The following PTPRM variants were observed in gnomAD, a reference collection of about 807,000 sequenced individuals.
PTPRM encodes the protein protein tyrosine phosphatase receptor type M.
PTPRM carries 47 observed loss-of-function variants against 186.7 expected under a neutral mutation model. That is an observed-to-expected ratio of 0.25 (90% CI 0.20 to 0.32). The LOEUF is 0.32. Ranked by LOEUF, PTPRM falls within the 10% of genes least tolerant of loss-of-function variation. The pLI, the probability that PTPRM is intolerant of heterozygous loss-of-function variation, is 1.00. For synonymous variants in PTPRM, 668 were observed against 674.9 expected (o/e 0.99, Z 0.16); for missense variants, 1,494 against 1,865.0 (o/e 0.80, Z 3.66).
intron 5 of PTPRM, among the ~76,000 whole-genome samples, chr18:7,940,765 A>G (rs1421064282): frequency 6.6e-6 from 1 of 150,740 alleles, no homozygotes; most frequent in African/African-American, 2.4e-5. Flanking sequence ...TGGTAGCAAA[A>G]CCTCCCCATT....
intron 9 of PTPRM, 60 bp downstream of exon 9, chr18:8,076,624 G>A: frequency 1.2e-6 from 1 of 848,328 alleles, no homozygotes; most frequent in African/African-American, 1.8e-5. Flanking sequence ...TGATAATGTA[G>A]GCTATCTAGT....
At chr18:8,282,503 A>T (rs1014024157) in intron 19 of PTPRM, among the ~76,000 whole-genome samples, 1 of 152,128 alleles carries the variant, frequency 6.6e-6, no homozygotes, top group Non-Finnish European at 1.5e-5. Flanking sequence ...TCTCTACTAA[A>T]ATACAAAAAT....
At chr18:8,265,424 G>A (rs1189869339) in intron 19 of PTPRM, among the ~76,000 whole-genome samples, 9 of 152,184 alleles carry the variant, frequency 5.9e-5, no homozygotes, top group Non-Finnish European at 1.0e-4. Flanking sequence ...GGGTTATTGC[G>A]TGGCTGCCAA....
intron 29 of PTPRM, among the ~76,000 whole-genome samples, 179 bp from the exon 30 acceptor site, chr18:8,384,382 C>T (rs771073917): frequency 2.0e-5 from 3 of 152,090 alleles, no homozygotes. Flanking sequence ...TGCTTGAGCC[C>T]AGGAGCTCAA....
chr18:8,277,843 CA>C (rs2094853908), intron 19 of PTPRM, among the ~76,000 whole-genome samples: 1 of 152,108 alleles, frequency 6.6e-6, no homozygotes, highest in Admixed American at 6.6e-5. Flanking sequence ...TTAACTAACG[CA>C]GTGAGGTGCC....
intron 8 of PTPRM, among the ~76,000 whole-genome samples, chr18:8,072,992 A>G (rs2089582427): frequency 7.6e-6 from 1 of 132,188 alleles, no homozygotes; most frequent in African/African-American, 2.7e-5. Context: ...CAACTATTCT[A>G]CTGCCATTTA....
intron 1 of PTPRM, among the ~76,000 whole-genome samples, chr18:7,683,950 G>T (rs2039537321): frequency 1.3e-5 from 2 of 152,046 alleles, no homozygotes; most frequent in African/African-American, 4.8e-5. Context: ...ATCAGCAGGG[G>T]GTTGCTCGCA....
chr18:7,615,857 C>T (rs550220105), intron 1 of PTPRM, among the ~76,000 whole-genome samples: 18 of 152,246 alleles, frequency 1.2e-4, no homozygotes, highest in South Asian at 4.2e-4. Flanking sequence ...TGCAACTAGA[C>T]GGTCCCATCT....
chr18:8,355,289 A>G (rs548107590), intron 23 of PTPRM, among the ~76,000 whole-genome samples: 40 of 152,314 alleles, frequency 2.6e-4, no homozygotes, highest in African/African-American at 9.1e-4. Context: ...GGATTTGTCA[A>G]TAAATGCATC....
intron 14 of PTPRM, among the ~76,000 whole-genome samples, chr18:8,196,867 A>G (rs567519840): frequency 7.9e-5 from 12 of 152,296 alleles, no homozygotes; most frequent in African/African-American, 2.4e-4. Context: ...AAAATTGCCT[A>G]AAGTGCGTGG....
intron 1 of PTPRM, among the ~76,000 whole-genome samples, chr18:7,748,441 T>C (rs2041051857): frequency 6.6e-6 from 1 of 152,052 alleles, no homozygotes; most frequent in Non-Finnish European, 1.5e-5. Flanking sequence ...GCGTGGGATG[T>C]GGATGTGCTG....
intron 22 of PTPRM, among the ~76,000 whole-genome samples, chr18:8,329,613 T>C (rs774003552): frequency 3.3e-5 from 5 of 152,232 alleles, no homozygotes; most frequent in African/African-American, 4.8e-5. Flanking sequence ...CTTTACAGCC[T>C]GGTTCATTCA....
At chr18:7,977,368 C>T (rs956734918) in intron 7 of PTPRM, among the ~76,000 whole-genome samples, 5 of 152,082 alleles carry the variant, frequency 3.3e-5, no homozygotes, top group African/African-American at 7.2e-5. Context: ...GGATTACAGG[C>T]GTGAGTGACC....
chr18:7,651,471 T>A (rs1332866366), intron 1 of PTPRM, among the ~76,000 whole-genome samples: 1 of 152,128 alleles, frequency 6.6e-6, no homozygotes, highest in Non-Finnish European at 1.5e-5. Flanking sequence ...AGAACAAAGC[T>A]GGAGGCATCA....
At chr18:7,647,486 A>C (rs548165105) in intron 1 of PTPRM, among the ~76,000 whole-genome samples, 4 of 152,320 alleles carry the variant, frequency 2.6e-5, no homozygotes, top group Admixed American at 2.0e-4. Context: ...TATGTATTTC[A>C]TGGGCAGTGA....
chr18:8,206,248 T>TTTTTATTTTATTTTATTTTA lies in PTPRM; in HGVS notation c.2301-37805_2301-37786dup, dbSNP rs55773269. ...ACAAAAAGACTTTATCAAGGCTGAA[T>TTTTTATTTTATTTTATTTTA]TTTTATTTTATTTTATTTTATTTTG... On this transcript the variant is annotated intron_variant, in intron 14 of 32. Transcript: ENST00000580170. 7.2e-3 allele frequency among the ~76,000 whole-genome samples: 1,067 copies of TTTTTATTTTATTTTATTTTA among 147,916 alleles called. 24 individuals are homozygous for TTTTTATTTTATTTTATTTTA. The highest frequency in any genetic ancestry group is 0.031 in the East Asian group (154 of 4,996).
At chr18:7,993,541 A>T (rs1006892700) in intron 7 of PTPRM, among the ~76,000 whole-genome samples, 15 of 152,138 alleles carry the variant, frequency 9.9e-5, no homozygotes, top group African/African-American at 3.6e-4. Flanking sequence ...AGCTGAAACC[A>T]TATAGGTCAG....
intron 2 of PTPRM, among the ~76,000 whole-genome samples, chr18:7,798,967 A>G (rs549657149): frequency 3.9e-5 from 6 of 152,320 alleles, no homozygotes; most frequent in Non-Finnish European, 5.9e-5. Context: ...CTATGGTTGT[A>G]TGCTGTGTTT....
chr18:7,902,318 C>T (rs2049736859), intron 3 of PTPRM, among the ~76,000 whole-genome samples: 1 of 152,110 alleles, frequency 6.6e-6, no homozygotes, highest in Non-Finnish European at 1.5e-5. Context: ...TTTTTTGTGG[C>T]CTTGCTGACA....
Sources: allele counts gnomAD v4.1 joint callset (sites outside exome capture counted in the v4.1 genomes callset), GRCh38; gene constraint gnomAD v4.1.1; transcripts MANE v1.5; gene names NCBI Gene and HGNC (gene_info 2026-07-23, HGNC 2026-07-21).